The following AUTS2 variants were observed in gnomAD, a reference collection of about 807,000 sequenced individuals.
AUTS2 encodes activator of transcription and developmental regulator AUTS2.
In AUTS2, 17 loss-of-function variants were observed where a neutral mutation model predicts 112.4. The ratio of observed to expected loss-of-function variants is 0.15; its 90% CI spans 0.10 to 0.23. The LOEUF is 0.23. Among genes scored for constraint, AUTS2 ranks in the 10% least tolerant of loss-of-function variants. The pLI, the probability that AUTS2 is intolerant of heterozygous loss-of-function variation, is 1.00. For synonymous variants in AUTS2, 751 were observed against 702.7 expected (o/e 1.07, Z -1.09); for missense variants, 1,510 against 1,701.6 (o/e 0.89, Z 1.98).
intron 6 of AUTS2, among the ~76,000 whole-genome samples, chr7:70,726,375 C>CAAAAAT (rs1787035252): frequency 6.6e-6 from 1 of 151,824 alleles, no homozygotes; most frequent in Non-Finnish European, 1.5e-5. Context: ...TGACTCATTT[C>CAAAAAT]CACCACATAT....
chr7:70,387,152 G>A (rs1339414621), intron 4 of AUTS2, among the ~76,000 whole-genome samples: 2 of 152,058 alleles, frequency 1.3e-5, no homozygotes, highest in African/African-American at 2.4e-5. Flanking sequence ...TCTCTTCACT[G>A]CCAAACCTTT....
intron 14 of AUTS2, among the ~76,000 whole-genome samples, chr7:70,778,571 T>TTAAA (rs1554485170): frequency 5.2e-5 from 4 of 77,506 alleles, no homozygotes; most frequent in African/African-American, 1.5e-4. Context: ...ATCTCATCTC[T>TTAAA]AAAAAAAAAA....
intron 1 of AUTS2, among the ~76,000 whole-genome samples, chr7:69,679,695 G>A (rs1195093580): frequency 1.3e-5 from 2 of 152,144 alleles, no homozygotes; most frequent in African/African-American, 4.8e-5. Flanking sequence ...GTGTACTTTT[G>A]CATTTCTATG....
chr7:69,914,370 C>G (rs867188960), intron 2 of AUTS2, among the ~76,000 whole-genome samples: 14 of 146,692 alleles, frequency 9.5e-5, no homozygotes, highest in African/African-American at 3.7e-4. Context: ...CACACACACA[C>G]ACACACACAC....
intron 4 of AUTS2, among the ~76,000 whole-genome samples, chr7:70,146,669 C>G (rs555229904): frequency 6.6e-6 from 1 of 152,224 alleles, no homozygotes; most frequent in Non-Finnish European, 1.5e-5. Flanking sequence ...GATTGCTAAA[C>G]ATATATTATA....
At chr7:69,869,055 C>T (rs1039141853) in intron 1 of AUTS2, among the ~76,000 whole-genome samples, 6 of 152,132 alleles carry the variant, frequency 3.9e-5, no homozygotes, top group East Asian at 3.9e-4. Flanking sequence ...GATCAGCCAC[C>T]GTTGACCTGT....
chr7:70,065,718 T>C (rs1169104660), intron 2 of AUTS2, among the ~76,000 whole-genome samples: 1 of 152,002 alleles, frequency 6.6e-6, no homozygotes, highest in Non-Finnish European at 1.5e-5. Flanking sequence ...ATATATATTA[T>C]TATTTTTAAT....
rs539878434 is a variant in AUTS2 at position 69,940,379 on chromosome 7, G to A, written c.522+40881G>A. Among the ~76,000 whole-genome samples, 32 of 152,292 alleles carry A rather than the reference G, an allele frequency of 2.1e-4. 1 individual carries two copies. The South Asian group carries it at 6.4e-3, about 31-fold the overall frequency. Reference sequence around the variant, plus strand: ...TGGGATGAAACATGAAGGATGAGTAGGTGCTCTCTAGGTGAGGGCTCATGG... The same window carrying A: ...TGGGATGAAACATGAAGGATGAGTAAGTGCTCTCTAGGTGAGGGCTCATGG... On this transcript the variant is annotated intron_variant, in intron 2 of 18. Coordinates refer to ENST00000342771, the MANE Select transcript of AUTS2 (RefSeq NM_015570.4).
intron 1 of AUTS2, among the ~76,000 whole-genome samples, chr7:69,693,229 A>C (rs1023582881): frequency 6.6e-6 from 1 of 152,228 alleles, no homozygotes; most frequent in Non-Finnish European, 1.5e-5. Context: ...TGAGCAACAG[A>C]GTGTGAAAAC....
At chr7:69,940,317 A>T (rs1260308874) in intron 2 of AUTS2, among the ~76,000 whole-genome samples, 1 of 152,200 alleles carries the variant, frequency 6.6e-6, no homozygotes, top group Admixed American at 6.5e-5. Flanking sequence ...CCTAGGGAAG[A>T]GGAAGGCTGG....
chr7:70,186,761 G>C (rs973970601), intron 4 of AUTS2, among the ~76,000 whole-genome samples: 8 of 152,190 alleles, frequency 5.3e-5, no homozygotes, highest in Admixed American at 5.2e-4. Flanking sequence ...GTAGAGATGA[G>C]GTTTCACCTG....
intron 4 of AUTS2, among the ~76,000 whole-genome samples, chr7:70,210,999 CATT>C (rs772749156): frequency 1.9e-4 from 29 of 152,054 alleles, no homozygotes; most frequent in Non-Finnish European, 3.2e-4. Context: ...GTAGGAAAAA[CATT>C]ATTGGGAAGC....
intron 4 of AUTS2, among the ~76,000 whole-genome samples, chr7:70,255,660 A>G (rs12698883): frequency 6.6e-6 from 1 of 151,836 alleles, no homozygotes; most frequent in Non-Finnish European, 1.5e-5. Context: ...ATTGTAGAAT[A>G]TGACTTTTTT....
At chr7:70,227,347 A>T (rs1584903069) in intron 4 of AUTS2, among the ~76,000 whole-genome samples, 1 of 142,594 alleles carries the variant, frequency 7.0e-6, no homozygotes, top group African/African-American at 2.7e-5. Flanking sequence ...TAAAGGTTTT[A>T]AAAACGTTTC....
At chr7:70,487,912 G>T (rs190679925) in intron 5 of AUTS2, among the ~76,000 whole-genome samples, 1 of 152,322 alleles carries the variant, frequency 6.6e-6, no homozygotes, top group Non-Finnish European at 1.5e-5. Context: ...AAAATAGGGG[G>T]ATGAGTAGAT....
chr7:70,062,196 G>A (rs1802281118), intron 2 of AUTS2, among the ~76,000 whole-genome samples: 1 of 151,682 alleles, frequency 6.6e-6, no homozygotes, highest in African/African-American at 2.4e-5. Context: ...GATCATTACT[G>A]ATGTACCTTC....
At chr7:70,225,858 T>C (rs777072424) in intron 4 of AUTS2, among the ~76,000 whole-genome samples, 1 of 152,194 alleles carries the variant, frequency 6.6e-6, no homozygotes, top group Non-Finnish European at 1.5e-5. Context: ...TCAAGATTTG[T>C]GTAGCTCCCA....
intron 1 of AUTS2, among the ~76,000 whole-genome samples, chr7:69,796,677 A>G (rs1256730022): frequency 6.6e-6 from 1 of 152,194 alleles, no homozygotes; most frequent in African/African-American, 2.4e-5. Context: ...GGGAATATGT[A>G]CAGACAGATT....
At chr7:70,592,150 A>G (rs1260056121) in intron 5 of AUTS2, among the ~76,000 whole-genome samples, 1 of 152,192 alleles carries the variant, frequency 6.6e-6, no homozygotes, top group Non-Finnish European at 1.5e-5. Context: ...TGCCATCGAT[A>G]TATATTTTAC....
Sources: allele counts gnomAD v4.1 joint callset (sites outside exome capture counted in the v4.1 genomes callset), GRCh38; gene constraint gnomAD v4.1.1; transcripts MANE v1.5; gene names NCBI Gene and HGNC (gene_info 2026-07-23, HGNC 2026-07-21).